BACE2: variants seen among roughly 807,000 people sequenced by gnomAD.
The protein encoded by BACE2 is beta-secretase 2.
BACE2 carries 17 observed loss-of-function variants against 46.2 expected under a neutral mutation model. That is an observed-to-expected ratio of 0.37 (90% CI 0.25 to 0.55). BACE2 has a LOEUF of 0.55. Among genes scored for constraint, BACE2 ranks in the 20% least tolerant of loss-of-function variants. The pLI is 0.82. For synonymous variants in BACE2, 277 were observed against 295.9 expected (o/e 0.94, Z 0.66); for missense variants, 595 against 698.1 (o/e 0.85, Z 1.66).
chr21:41,169,290 G>A (rs761274898), intron 1 of BACE2, among the ~76,000 whole-genome samples: 1 of 151,786 alleles, frequency 6.6e-6, no homozygotes, highest in East Asian at 1.9e-4. Context: ...TCCAGCTACC[G>A]GGAAAAAAAC....
chr21:41,238,981 A>T (rs1242388548), intron 3 of BACE2, among the ~76,000 whole-genome samples: 3 of 125,316 alleles, frequency 2.4e-5, no homozygotes, highest in Non-Finnish European at 3.4e-5. Flanking sequence ...AAAAAAAAAG[A>T]ACTGCAGAAG....
At chr21:41,240,479 G>T (rs1987253685) in intron 3 of BACE2, among the ~76,000 whole-genome samples, 1 of 152,192 alleles carries the variant, frequency 6.6e-6, no homozygotes, top group Non-Finnish European at 1.5e-5. Flanking sequence ...ACAGGTATTG[G>T]CCCATTTAAG....
intron 8 of BACE2, 56 bp from the exon 9 acceptor site, chr21:41,275,315 G>A: frequency 6.2e-7 from 1 of 1,607,130 alleles, no homozygotes; most frequent in South Asian, 1.1e-5. Context: ...TGTGTCCAAT[G>A]TGAGAGGTGG....
intron 1 of BACE2, among the ~76,000 whole-genome samples, chr21:41,200,108 G>A (rs947761177): frequency 1.3e-5 from 2 of 150,898 alleles, no homozygotes; most frequent in African/African-American, 2.4e-5. Flanking sequence ...GTTGATGGGT[G>A]CAGCACACCA....
chr21:41,175,251 A>G (rs1158126269), intron 1 of BACE2: 1 of 152,168 alleles, frequency 6.6e-6, no homozygotes, highest in East Asian at 1.9e-4. Flanking sequence ...TCAGATTTTT[A>G]TTATATGGCA....
intron 1 of BACE2, chr21:41,186,757 G>A (rs1985390427): frequency 1.3e-5 from 2 of 152,248 alleles, no homozygotes; most frequent in African/African-American, 2.4e-5. Flanking sequence ...TGCAGATCAG[G>A]GCTGCTCCAT....
intron 1 of BACE2, among the ~76,000 whole-genome samples, chr21:41,189,766 T>C (rs1022297891): frequency 6.6e-6 from 1 of 152,174 alleles, no homozygotes; most frequent in African/African-American, 2.4e-5. Context: ...GGGAACAGAA[T>C]AGGAGATAGA....
intron 1 of BACE2, among the ~76,000 whole-genome samples, chr21:41,190,215 T>A (rs1397836433): frequency 6.6e-6 from 1 of 152,198 alleles, no homozygotes; most frequent in Non-Finnish European, 1.5e-5. Context: ...CCTCGTCAAC[T>A]TGAACCCATA....
chr21:41,268,814 T>A (rs981694771), intron 8 of BACE2, among the ~76,000 whole-genome samples: 5 of 152,180 alleles, frequency 3.3e-5, no homozygotes, highest in Admixed American at 3.3e-4. Flanking sequence ...TTTGCATTTT[T>A]ATTATACACA....
intron 1 of BACE2, chr21:41,225,632 G>C (rs1172590771): frequency 6.6e-6 from 1 of 152,298 alleles, no homozygotes; most frequent in Non-Finnish European, 1.5e-5. Flanking sequence ...GGGCATAAAG[G>C]AACCTTTTGA....
At chr21:41,204,153 A>C (rs534222034) in intron 1 of BACE2, among the ~76,000 whole-genome samples, 2 of 152,276 alleles carry the variant, frequency 1.3e-5, no homozygotes, top group South Asian at 4.2e-4. Context: ...AGTAGCTGGA[A>C]TTACAGGCAC....
chr21:41,259,422 G>T (rs113507211), intron 8 of BACE2, among the ~76,000 whole-genome samples: 1,764 of 150,240 alleles, frequency 0.012, 25 homozygotes, highest in African/African-American at 0.037. Flanking sequence ...CTAATAAATG[G>T]AATAGCTATG....
chr21:41,210,754 A>T (rs1431211814), intron 1 of BACE2, among the ~76,000 whole-genome samples: 2 of 152,174 alleles, frequency 1.3e-5, no homozygotes, highest in African/African-American at 4.8e-5. Context: ...GACCTTTTTG[A>T]CATTTAGGGC....
chr21:41,224,772 G>A (rs989280878), intron 1 of BACE2, among the ~76,000 whole-genome samples: 17 of 152,242 alleles, frequency 1.1e-4, no homozygotes, highest in East Asian at 3.9e-4. Context: ...GTGAAATACC[G>A]TTCCACACCC....
chr21:41,270,031 G>A (rs2088418970), intron 8 of BACE2, among the ~76,000 whole-genome samples: 1 of 152,132 alleles, frequency 6.6e-6, no homozygotes, highest in South Asian at 2.1e-4. Flanking sequence ...CATTTTAATA[G>A]GTATTAATAT....
Position 41,235,719 on chromosome 21 carries a change from G to T in BACE2, c.402-1794G>T, listed in dbSNP as rs188862462. On this transcript the variant is annotated intron_variant, in intron 2 of 8. Transcript: ENST00000330333. ...TAGTTGGGCTTGATGGTGTGCACCT[G>T]TAGTCCCAGTTACTCAGTAGGCAGA... 1.0e-3 allele frequency among the ~76,000 whole-genome samples: 159 copies of T among 152,356 alleles called. 1 individual carries two copies. Among genetic ancestry groups the T allele is most frequent in the African/African-American group, 3.3e-3 (137 of 41,590 alleles).
chr21:41,259,976 TG>T (rs1367842342), intron 8 of BACE2, among the ~76,000 whole-genome samples: 1 of 151,178 alleles, frequency 6.6e-6, no homozygotes. Flanking sequence ...GGACTACAGG[TG>T]TGCACCACTG....
chr21:41,262,807 G>A (rs1424353340), intron 8 of BACE2, among the ~76,000 whole-genome samples: 1 of 152,034 alleles, frequency 6.6e-6, no homozygotes, highest in Non-Finnish European at 1.5e-5. Flanking sequence ...GAGTTGTTGG[G>A]AATATGGGTA....
At chr21:41,213,998 C>A (rs1377417382) in intron 1 of BACE2, among the ~76,000 whole-genome samples, 1 of 152,182 alleles carries the variant, frequency 6.6e-6, no homozygotes, top group Non-Finnish European at 1.5e-5. Context: ...AGTTTTCACA[C>A]CTTGCTGGCT....
Sources: gnomAD v4.1 joint callset for allele counts (sites outside exome capture counted in the v4.1 genomes callset) on GRCh38, gnomAD v4.1.1 for gene constraint, MANE v1.5 for transcripts, NCBI Gene and HGNC (gene_info 2026-07-23, HGNC 2026-07-21) for gene names.